LYPD6: variants seen among roughly 807,000 people sequenced by gnomAD.
LYPD6 encodes the protein ly6/PLAUR domain-containing protein 6.
In LYPD6, 15 loss-of-function variants were observed where a neutral mutation model predicts 22.7. That is an observed-to-expected ratio of 0.66 (90% CI 0.44 to 1.02). The LOEUF (loss-of-function observed/expected upper bound fraction) is 1.02, where lower values mean the gene tolerates loss of function less well. LYPD6 is among the 50% of genes least tolerant of loss of function. The pLI is 0.00. For missense variants in LYPD6, 189 were observed against 208.4 expected (o/e 0.91, Z 0.57); for synonymous variants, 72 against 77.5 (o/e 0.93, Z 0.37).
At chr2:149,403,886 A>G (rs1013406797) in intron 1 of LYPD6, among the ~76,000 whole-genome samples, 5 of 152,134 alleles carry the variant, frequency 3.3e-5, no homozygotes, top group Non-Finnish European at 7.4e-5. Flanking sequence ...TAAGTCTCTA[A>G]TCCATCTTGA....
chr2:149,426,627 G>A (rs929925218), intron 1 of LYPD6, among the ~76,000 whole-genome samples: 2 of 152,154 alleles, frequency 1.3e-5, no homozygotes, highest in African/African-American at 2.4e-5. Flanking sequence ...TGAGTACTCT[G>A]TACTGGAAAT....
At chr2:149,463,055 T>G (rs1331050165) in intron 3 of LYPD6, among the ~76,000 whole-genome samples, 1 of 151,944 alleles carries the variant, frequency 6.6e-6, no homozygotes, top group Non-Finnish European at 1.5e-5. Flanking sequence ...TCATCAAAAT[T>G]TAAAACTTTT....
chr2:149,410,331 G>A lies in LYPD6; in HGVS notation c.-71-27307G>A, dbSNP rs573665559. On this transcript the variant is annotated intron_variant, in intron 1 of 4. Coordinates refer to ENST00000334166, the MANE Select transcript of LYPD6 (RefSeq NM_194317.5). ...ATGCTGGTGGTTTGTGCCAGTATAC[G>A]TGAATATTTGTATGTGTTTGTGATT... Among the ~76,000 whole-genome samples, 9 of 152,032 alleles carry A rather than the reference G, an allele frequency of 5.9e-5. No homozygotes were observed. In the South Asian group the frequency reaches 1.5e-3, roughly 25 times the overall value.
intron 1 of LYPD6, among the ~76,000 whole-genome samples, chr2:149,349,653 A>G (rs2105057390): frequency 6.6e-6 from 1 of 152,306 alleles, no homozygotes; most frequent in Admixed American, 6.5e-5. Flanking sequence ...ACATTTCCCA[A>G]TACTTTGCTA....
chr2:149,339,321 A>C (rs569962109), intron 1 of LYPD6, among the ~76,000 whole-genome samples: 2 of 152,164 alleles, frequency 1.3e-5, no homozygotes, highest in Non-Finnish European at 1.5e-5. Flanking sequence ...TATATTGGAC[A>C]GGTTCTGGAG....
intron 1 of LYPD6, among the ~76,000 whole-genome samples, chr2:149,341,026 T>G (rs902477383): frequency 1.3e-5 from 2 of 152,298 alleles, no homozygotes; most frequent in Non-Finnish European, 1.5e-5. Context: ...AATACTGACT[T>G]TAATAGAAGT....
At position 149,395,314 on chromosome 2, in the gene LYPD6, T is replaced by A. The variant is rs116204021; in HGVS notation, c.-71-42324T>A. ...TAAGTCTGGTATGATGCTCCCCTCA[T>A]AATTCTTTTTCAAAAGTTTTCTGCC... On this transcript the variant is annotated intron_variant, in intron 1 of 4. Coordinates refer to ENST00000334166, the MANE Select transcript of LYPD6 (RefSeq NM_194317.5). Among the ~76,000 whole-genome samples the A allele has an allele frequency of 6.1e-3, 923 of 152,284 alleles. 11 individuals carry two copies. Among genetic ancestry groups the A allele is most frequent in the African/African-American group, 0.021 (867 of 41,570 alleles).
intron 1 of LYPD6, among the ~76,000 whole-genome samples, chr2:149,414,493 T>C (rs909842370): frequency 2.6e-5 from 4 of 152,200 alleles, no homozygotes; most frequent in Non-Finnish European, 5.9e-5. Flanking sequence ...AACATTGGCC[T>C]TTAGTAGAGA....
intron 3 of LYPD6, among the ~76,000 whole-genome samples, chr2:149,457,054 A>G (rs1407473199): frequency 6.6e-6 from 1 of 152,232 alleles, no homozygotes; most frequent in Non-Finnish European, 1.5e-5. Flanking sequence ...GTTTGTACAA[A>G]TAGTTCTTCT....
At chr2:149,440,551 T>C (rs1683539249) in intron 2 of LYPD6, 1 of 152,134 alleles carries the variant, frequency 6.6e-6, no homozygotes. Context: ...TATAAGTAGA[T>C]GATTCACCAG....
At chr2:149,345,102 C>A (rs979028739) in intron 1 of LYPD6, among the ~76,000 whole-genome samples, 3 of 151,918 alleles carry the variant, frequency 2.0e-5, no homozygotes, top group African/African-American at 7.3e-5. Context: ...TGAGACACCC[C>A]CCGACCCCAT....
chr2:149,437,628 C>T lies in LYPD6; in HGVS notation c.-71-10C>T, dbSNP rs1683461680. 6.3e-7 allele frequency: 1 copy of T among 1,582,774 alleles called. No individual in the cohort carries two copies. The highest frequency in any genetic ancestry group is 8.6e-7 in the Non-Finnish European group (1 of 1,163,350). On this transcript the variant is annotated splice_polypyrimidine_tract_variant and intron_variant, in intron 1 of 4. Transcript: ENST00000334166. ...TCGATCACTGAGATGATTCTTTCTT[C>T]ATTTTTCAGGTGCAAGTTCTCTCCT...
intron 1 of LYPD6, among the ~76,000 whole-genome samples, chr2:149,420,677 G>C (rs776062072): frequency 6.6e-6 from 1 of 152,142 alleles, no homozygotes. Flanking sequence ...TGCCATGGTA[G>C]TTTCATAGGT....
intron 3 of LYPD6, among the ~76,000 whole-genome samples, chr2:149,461,171 A>G (rs961259872): frequency 6.6e-6 from 1 of 152,026 alleles, no homozygotes; most frequent in Admixed American, 6.6e-5. Context: ...ATACTAAAAC[A>G]TTTCATTGTA....
intron 2 of LYPD6, among the ~76,000 whole-genome samples, chr2:149,441,162 G>C (rs921226407): frequency 6.6e-6 from 1 of 152,228 alleles, no homozygotes. Flanking sequence ...AAATAAGCAG[G>C]TATCTGTTGA....
In LYPD6 at chr2:149,385,422, G is replaced by C. The variant is rs558585663; in HGVS notation, c.-71-52216G>C. Among the ~76,000 whole-genome samples the C allele has an allele frequency of 5.3e-5, 8 of 152,310 alleles. No individual in the cohort carries two copies. The East Asian group carries it at 1.4e-3, about 26-fold the overall frequency. On this transcript the variant is annotated intron_variant, in intron 1 of 4. Coordinates refer to ENST00000334166, the MANE Select transcript of LYPD6 (RefSeq NM_194317.5). ...ATGGTATTAGCCTGAGACCAGCCAT[G>C]ATGTGCCAAAGACATTGGCAATTTG...
chr2:149,474,138 A>G lies in LYPD6; in HGVS notation c.*3288A>G, dbSNP rs1681409002. 1 of 152,114 alleles carries G rather than the reference A, an allele frequency of 6.6e-6. No homozygotes were observed. Among genetic ancestry groups the G allele is most frequent in the Admixed American group, 6.6e-5 (1 of 15,264 alleles). The allele number at this position is 152,114 out of a possible 1,614,324, so 9.4% of individuals were successfully genotyped here. A position where few individuals can be genotyped will look rare whatever the true frequency, so the allele number is the denominator to read the frequency against. The stretch of plus-strand genomic sequence containing the variant: ...AGTAAAGTGATAGACATTGAAAGCA[A>G]GCTTGAAAAATGTCAGTTTGTTTGT... On this transcript the variant is annotated 3_prime_UTR_variant, in exon 5 of 5. Coordinates refer to ENST00000334166, the MANE Select transcript of LYPD6 (RefSeq NM_194317.5).
intron 1 of LYPD6, among the ~76,000 whole-genome samples, chr2:149,362,449 G>A (rs570297590): frequency 6.6e-6 from 1 of 152,240 alleles, no homozygotes; most frequent in African/African-American, 2.4e-5. Context: ...GATAAAAAGG[G>A]TATAATGTAA....
intron 1 of LYPD6, among the ~76,000 whole-genome samples, chr2:149,338,618 C>A (rs1298592973): frequency 1.3e-5 from 2 of 152,170 alleles, no homozygotes; most frequent in Non-Finnish European, 2.9e-5. Context: ...TGAGCCCTCA[C>A]CAGACACCAG....
Sources: allele counts gnomAD v4.1 joint callset (sites outside exome capture counted in the v4.1 genomes callset), GRCh38; gene constraint gnomAD v4.1.1; transcripts MANE v1.5; gene names NCBI Gene and HGNC (gene_info 2026-07-23, HGNC 2026-07-21).